Variants in IL5RA observed in about 807,000 individuals in gnomAD.
The protein encoded by IL5RA is interleukin 5 receptor subunit alpha.
IL5RA carries 49 observed loss-of-function variants against 50.0 expected under a neutral mutation model. That is an observed-to-expected ratio of 0.98 (90% CI 0.78 to 1.24). The LOEUF (loss-of-function observed/expected upper bound fraction) is 1.24. Ranked by LOEUF, IL5RA falls within the 50% of genes most tolerant of loss-of-function variation. The pLI is 0.00. For missense variants in IL5RA, 600 were observed against 500.4 expected, an observed-to-expected ratio of 1.20 and a Z score of -1.90; for synonymous variants, 202 against 174.0, an observed-to-expected ratio of 1.16 and a Z score of -1.26.
chr3:3,076,169 T>A (rs1249500828), intron 10 of IL5RA, among the ~76,000 whole-genome samples: 1 of 152,074 alleles, frequency 6.6e-6, no homozygotes, highest in African/African-American at 2.4e-5. Context: ...CCCTGAGCTG[T>A]GAAAAGCCTA....
rs186139582 is a variant in IL5RA, at chr3:3,087,482, G to T, written c.994+4742C>A. Among the ~76,000 whole-genome samples, 139 of 152,228 alleles carry T rather than the reference G, an allele frequency of 9.1e-4. 1 individual carries two copies. Among genetic ancestry groups the T allele is most frequent in the African/African-American group, 3.1e-3 (129 of 41,530 alleles). On this transcript the variant is annotated intron_variant, in intron 9 of 11. Coordinates refer to ENST00000446632, the MANE Select transcript of IL5RA (RefSeq NM_175726.4). ...AAATTAAATAACCTTGGGCTATAAT[G>T]GGTTAATTAGTTAATCAAATCTATT...
intron 9 of IL5RA, among the ~76,000 whole-genome samples, chr3:3,088,777 G>A (rs958838857): frequency 8.5e-5 from 13 of 152,176 alleles, no homozygotes; most frequent in Admixed American, 7.9e-4. Context: ...AATACATATA[G>A]AGAGAGGTGT....
Position 3,090,389 on chromosome 3 carries a change from C to A in IL5RA, c.994+1835G>T, listed in dbSNP as rs1703036203. The stretch of plus-strand genomic sequence containing the variant: ...ATCCCATGCTCTTATAGACCTAGTG[C>A]AACAGTTAACGACGTGTGTGTGCCT... On this transcript the variant is annotated intron_variant, in intron 9 of 11. Transcript: ENST00000446632. The A allele has an allele frequency of 9.0e-6, 6 of 663,758 alleles. No individual in the cohort carries two copies. The South Asian group carries it at 9.6e-5, about 11-fold the overall frequency. 41.1% of individuals were successfully genotyped at this position (663,758 alleles called of 1,614,324 possible).
chr3:3,105,219 A>G (rs919894958), intron 2 of IL5RA, among the ~76,000 whole-genome samples: 2 of 152,224 alleles, frequency 1.3e-5, no homozygotes, highest in Middle Eastern at 3.2e-3. Context: ...AAACCAGTTG[A>G]AAAACTGCCT....
intron 5 of IL5RA, among the ~76,000 whole-genome samples, chr3:3,099,001 C>T (rs893598757): frequency 2.0e-5 from 3 of 152,232 alleles, no homozygotes; most frequent in South Asian, 2.1e-4. Context: ...TGTAAAGGAG[C>T]GGGTTGGTAC....
rs1181704278 is a variant in IL5RA at position 3,066,374 on chromosome 3, C to T, written c.*3851G>A. ...TCTCATTCTGAAACATATTTATATT[C>T]ACATCTATTACCTACAAAACAGGAG... On this transcript the variant is annotated 3_prime_UTR_variant, in exon 12 of 12. Coordinates refer to ENST00000446632, the MANE Select transcript of IL5RA (RefSeq NM_175726.4). 6.6e-6 allele frequency: 1 copy of T among 152,094 alleles called. No individual in the cohort carries two copies. Among genetic ancestry groups the T allele is most frequent in the African/African-American group, 2.4e-5 (1 of 41,412 alleles). The allele number at this position is 152,094 out of a possible 1,614,324, so 9.4% of individuals were successfully genotyped here. A position where few individuals can be genotyped will look rare whatever the true frequency, so the allele number is the denominator to read the frequency against.
chr3:3,075,011 T>A, intron 10 of IL5RA, 145 bp from the exon 11 acceptor site: 3 of 619,972 alleles, frequency 4.8e-6, no homozygotes, highest in African/African-American at 3.7e-5. Context: ...TCCAAAATTA[T>A]AGGTGAAGAC....
intron 9 of IL5RA, among the ~76,000 whole-genome samples, chr3:3,088,654 C>A (rs1702970909): frequency 6.6e-6 from 1 of 152,178 alleles, no homozygotes; most frequent in African/African-American, 2.4e-5. Context: ...ACTATGACTT[C>A]AAAAGTCAAA....
chr3:3,092,057 C>T lies in IL5RA; in HGVS notation c.994+167G>A. 7.2e-7 allele frequency: 1 copy of T among 1,380,810 alleles called. No homozygotes were observed. Among genetic ancestry groups the T allele is most frequent in the Non-Finnish European group, 9.3e-7 (1 of 1,071,258 alleles). 85.5% of individuals were successfully genotyped at this position (1,380,810 alleles called of 1,614,324 possible). On this transcript the variant is annotated intron_variant, in intron 9 of 11. Coordinates refer to ENST00000446632, the MANE Select transcript of IL5RA (RefSeq NM_175726.4). This position sits in a 1 kb window ranked among gnomAD's most constrained non-coding sequence, Gnocchi z 4.2. ...AGACACTTAAAAACTTCACTGGCTTCATGGCAAATCTATTCCTGATTGAAA... is the reference window on the plus strand; with the variant it reads ...AGACACTTAAAAACTTCACTGGCTTTATGGCAAATCTATTCCTGATTGAAA...
In IL5RA at chr3:3,098,125, T is replaced by C. The variant is rs1703451242; in HGVS notation, c.521+12A>G. ...AACCATTTGCCTAAGTAAAAATAGG[T>C]ACAGTACTAACCTATAGTAGAGAAA... On this transcript the variant is annotated intron_variant, in intron 6 of 11. Coordinates refer to ENST00000446632, the MANE Select transcript of IL5RA (RefSeq NM_175726.4). 3 of 1,614,106 alleles carry C rather than the reference T, an allele frequency of 1.9e-6. No individual in the cohort carries two copies. Among genetic ancestry groups the C allele is most frequent in the Non-Finnish European group, 2.5e-6 (3 of 1,179,986 alleles).
chr3:3,086,026 G>T (rs1702846561), intron 9 of IL5RA, among the ~76,000 whole-genome samples: 1 of 152,106 alleles, frequency 6.6e-6, no homozygotes, highest in African/African-American at 2.4e-5. Context: ...TACATCTCAA[G>T]ACTAACGAAA....
At chr3:3,100,979 TCAA>T (rs1703619381) in intron 5 of IL5RA, among the ~76,000 whole-genome samples, 3 of 122,866 alleles carry the variant, frequency 2.4e-5, no homozygotes, top group African/African-American at 5.8e-5. Flanking sequence ...AAACCCCATC[TCAA>T]TAATAATAAT....
chr3:3,101,694 G>T lies in IL5RA; in HGVS notation c.365C>A (p.Pro122Gln), dbSNP rs1002168782. The T allele has an allele frequency of 6.2e-7, 1 of 1,613,472 alleles. No individual in the cohort carries two copies. Among genetic ancestry groups the T allele is most frequent in the African/African-American group, 1.3e-5 (1 of 74,876 alleles). The change falls in exon 5 of 12, where the codon CCA becomes CAA. Residue 122 changes from proline to glutamine, a missense_variant and splice_region_variant. Coordinates refer to ENST00000446632, the MANE Select transcript of IL5RA (RefSeq NM_175726.4). ...SWASAELHAP[P>Q]GSPGTSIVNL... ...GGACTTTTGGAGGCCTGCTTTACCT[G>T]GTGGGGCATGAAGTTCAGCAGAAGC...
At chr3:3,106,504 G>A (rs1703927449) in intron 2 of IL5RA, among the ~76,000 whole-genome samples, 1 of 151,806 alleles carries the variant, frequency 6.6e-6, no homozygotes, top group Non-Finnish European at 1.5e-5. Context: ...TGCCAGTTTT[G>A]ATTTTAAAAT....
intron 5 of IL5RA, 23 bp downstream of exon 5, chr3:3,101,669 G>A: frequency 6.2e-7 from 1 of 1,604,854 alleles, no homozygotes; most frequent in Non-Finnish European, 8.5e-7. Flanking sequence ...CATACAAACT[G>A]GACTTTTGGA....
chr3:3,093,817 G>A (rs1280547641), intron 8 of IL5RA, among the ~76,000 whole-genome samples: 1 of 152,218 alleles, frequency 6.6e-6, no homozygotes, highest in Non-Finnish European at 1.5e-5. Flanking sequence ...TCACAAAGAA[G>A]CCAATTTGTA....
rs1386102654 is a variant in IL5RA, at chr3:3,092,168, T to A, written c.994+56A>T. 1 of 1,592,422 alleles carries A rather than the reference T, an allele frequency of 6.3e-7. No individual in the cohort carries two copies. Among genetic ancestry groups the A allele is most frequent in the Non-Finnish European group, 8.5e-7 (1 of 1,171,022 alleles). Reference sequence around the variant, plus strand: ...GAGTGAACGGGTACGTTTCTGGGATTACCTTTTTTGATCACAAGGAAGGCT... The same window carrying A: ...GAGTGAACGGGTACGTTTCTGGGATAACCTTTTTTGATCACAAGGAAGGCT... On this transcript the variant is annotated intron_variant, in intron 9 of 11. Coordinates refer to ENST00000446632, the MANE Select transcript of IL5RA (RefSeq NM_175726.4). This position sits in a 1 kb window ranked among gnomAD's most constrained non-coding sequence, Gnocchi z 4.2.
intron 9 of IL5RA, among the ~76,000 whole-genome samples, chr3:3,089,606 C>T (rs17878823): frequency 0.041 from 6,268 of 151,988 alleles, 443 homozygotes; most frequent in African/African-American, 0.14. Context: ...CATCCACATG[C>T]TTGATCACCC....
chr3:3,085,500 T>G (rs1702820361), intron 9 of IL5RA, among the ~76,000 whole-genome samples: 1 of 152,072 alleles, frequency 6.6e-6, no homozygotes, highest in Non-Finnish European at 1.5e-5. Flanking sequence ...GAGCTCCAGG[T>G]GGGAGTCAGA....
Sources: gnomAD v4.1 joint callset for allele counts (sites outside exome capture counted in the v4.1 genomes callset) on GRCh38, gnomAD v4.1.1 for gene constraint, Gnocchi (gnomAD v3.1) non-coding constraint, MANE v1.5 for transcripts, NCBI Gene and HGNC (gene_info 2026-07-23, HGNC 2026-07-21) for gene names.